The following DNAJA2 variants were observed in gnomAD, a reference collection of about 807,000 sequenced individuals.
DNAJA2 encodes DnaJ heat shock protein family (Hsp40) member A2.
DNAJA2 carries 6 observed loss-of-function variants against 49.3 expected under a neutral mutation model. The ratio of observed to expected loss-of-function variants is 0.12; its 90% CI spans 0.07 to 0.24. The LOEUF (loss-of-function observed/expected upper bound fraction) is 0.24. Among genes scored for constraint, DNAJA2 ranks in the 10% least tolerant of loss-of-function variants. DNAJA2 has a pLI of 1.00. For missense variants in DNAJA2, 347 were observed against 516.8 expected, an observed-to-expected ratio of 0.67 and a Z score of 3.19; for synonymous variants, 160 against 172.7, an observed-to-expected ratio of 0.93 and a Z score of 0.58.
chr16:46,956,437 TA>T lies in DNAJA2; in HGVS notation c.*591del, dbSNP rs35534956. The T allele has an allele frequency of 0.84, 104,470 of 124,754 alleles. 43,587 individuals carry two copies. Among genetic ancestry groups the T allele is most frequent in the East Asian group, 0.96 (4,263 of 4,444 alleles). The allele number at this position is 124,754 out of a possible 1,614,324, so 7.7% of individuals were successfully genotyped here. A position where few individuals can be genotyped will look rare whatever the true frequency, so the allele number is the denominator to read the frequency against. On this transcript the variant is annotated 3_prime_UTR_variant, in exon 9 of 9. Transcript: ENST00000317089. ...GTTTCAGAAACCTTTCACAAGATGG[TA>T]AAAAAAAAAAAAAAGAAAAAAGAAA...
chr16:46,964,584 A>G (rs1961942437), intron 6 of DNAJA2, 27 bp downstream of exon 6: 1 of 1,582,692 alleles, frequency 6.3e-7, no homozygotes, highest in Non-Finnish European at 8.6e-7. Context: ...AAAACAAAAT[A>G]CAAAAAACTA....
intron 6 of DNAJA2, among the ~76,000 whole-genome samples, chr16:46,963,336 G>A (rs1961924870): frequency 6.6e-6 from 1 of 151,924 alleles, no homozygotes; most frequent in Non-Finnish European, 1.5e-5. Flanking sequence ...TATACAATAT[G>A]GACATTAAAA....
At chr16:46,964,846 T>C (rs768690986) in intron 5 of DNAJA2, 39 bp from the exon 6 acceptor site, 2 of 1,451,052 alleles carry the variant, frequency 1.4e-6, no homozygotes, top group Admixed American at 1.9e-5. Context: ...GCAAGAGTAC[T>C]ATACTGTACT....
chr16:46,957,559 T>C (rs1040613279), intron 8 of DNAJA2, among the ~76,000 whole-genome samples: 2 of 151,330 alleles, frequency 1.3e-5, no homozygotes, highest in Non-Finnish European at 2.9e-5. Flanking sequence ...GCTGAGATTG[T>C]GCCACTGCAC....
chr16:46,972,061 A>C, intron 1 of DNAJA2, 106 bp from the exon 2 acceptor site: 1 of 803,950 alleles, frequency 1.2e-6, no homozygotes, highest in East Asian at 2.5e-5. Flanking sequence ...TAGAGTTATA[A>C]CCTTTCAAAA....
chr16:46,961,679 A>G (rs1397070772), intron 6 of DNAJA2, among the ~76,000 whole-genome samples: 3 of 152,074 alleles, frequency 2.0e-5, no homozygotes, highest in Non-Finnish European at 2.9e-5. Flanking sequence ...AATGATTATG[A>G]TTATCAGGAT....
At position 46,964,596 on chromosome 16, in the gene DNAJA2, A is replaced by G; in HGVS notation, c.774+15T>C. 6.3e-7 allele frequency: 1 copy of G among 1,584,810 alleles called. No individual in the cohort carries two copies. The highest frequency in any genetic ancestry group is 8.5e-7 in the Non-Finnish European group (1 of 1,170,532). ...AATAAAACAAAATACAAAAAACTAA[A>G]AAAAGGAAAATCACCTCATGTTCTT... On this transcript the variant is annotated intron_variant, in intron 6 of 8. Coordinates refer to ENST00000317089, the MANE Select transcript of DNAJA2 (RefSeq NM_005880.4).
chr16:46,973,316 G>A (rs1397477037), intron 1 of DNAJA2, among the ~76,000 whole-genome samples, 179 bp downstream of exon 1: 3 of 150,986 alleles, frequency 2.0e-5, no homozygotes, highest in Non-Finnish European at 4.4e-5. Flanking sequence ...GGTCAGCCGA[G>A]GCCGGAGTGC....
At chr16:46,964,939 G>A (rs2143651085) in intron 5 of DNAJA2, 132 bp from the exon 6 acceptor site, 3 of 742,222 alleles carry the variant, frequency 4.0e-6, no homozygotes, top group African/African-American at 1.8e-5. Context: ...GCATTCTGAG[G>A]CCAAGCACAG....
intron 5 of DNAJA2, 70 bp downstream of exon 5, chr16:46,967,443 G>C (rs528897036): frequency 1.9e-6 from 3 of 1,589,368 alleles, no homozygotes; most frequent in Non-Finnish European, 1.7e-6. Flanking sequence ...ATAAAAAATT[G>C]TAAACCTCTC....
At chr16:46,973,426 G>T in intron 1 of DNAJA2, 69 bp downstream of exon 1, 2 of 1,445,280 alleles carry the variant, frequency 1.4e-6, no homozygotes, top group Non-Finnish European at 9.2e-7. Context: ...GCGCGGCCTG[G>T]CTGAAGAAGA....
In DNAJA2 at chr16:46,956,484, A is replaced by C. The variant is rs1961814999; in HGVS notation, c.*545T>G. On this transcript the variant is annotated 3_prime_UTR_variant, in exon 9 of 9. Coordinates refer to ENST00000317089, the MANE Select transcript of DNAJA2 (RefSeq NM_005880.4). ...AGAAAAAAAAAACAAAACCAAAAAC[A>C]AAAAAACTTTACAACCACAGCTAAT... 1 of 152,426 alleles carries C rather than the reference A, an allele frequency of 6.6e-6. No homozygotes were observed. Among genetic ancestry groups the C allele is most frequent in the Non-Finnish European group, 1.5e-5 (1 of 67,990 alleles). The allele number at this position is 152,426 out of a possible 1,614,324, so 9.4% of individuals were successfully genotyped here. A position where few individuals can be genotyped will look rare whatever the true frequency, so the allele number is the denominator to read the frequency against.
intron 7 of DNAJA2, 50 bp from the exon 8 acceptor site, chr16:46,959,180 A>G (rs535338468): frequency 6.4e-7 from 1 of 1,574,000 alleles, no homozygotes; most frequent in Non-Finnish European, 8.6e-7. Context: ...AGAGGTGTTC[A>G]ATTTTTTTTA....
At chr16:46,960,966 C>T (rs1326627926) in intron 6 of DNAJA2, among the ~76,000 whole-genome samples, 1 of 152,060 alleles carries the variant, frequency 6.6e-6, no homozygotes, top group Non-Finnish European at 1.5e-5. Flanking sequence ...ATGATCCAGC[C>T]ACTGCACTCC....
intron 8 of DNAJA2, 38 bp downstream of exon 8, chr16:46,958,965 T>G (rs755274474): frequency 1.3e-6 from 2 of 1,557,980 alleles, no homozygotes; most frequent in South Asian, 2.4e-5. Context: ...AACTCCAAAC[T>G]TGGAAGTCAA....
intron 6 of DNAJA2, among the ~76,000 whole-genome samples, chr16:46,962,070 T>C (rs187932516): frequency 6.6e-6 from 1 of 152,302 alleles, no homozygotes; most frequent in African/African-American, 2.4e-5. Flanking sequence ...TTTAGACAAC[T>C]AGCTACATCT....
chr16:46,967,756 A>AC (rs1486264135), intron 4 of DNAJA2, 110 bp from the exon 5 acceptor site: 3 of 1,401,582 alleles, frequency 2.1e-6, no homozygotes, highest in Admixed American at 4.1e-5. Flanking sequence ...AATAACTTGT[A>AC]TTTAAATTGA....
At chr16:46,971,172 A>T (rs1284892690) in intron 3 of DNAJA2, among the ~76,000 whole-genome samples, 177 bp downstream of exon 3, 3 of 152,356 alleles carry the variant, frequency 2.0e-5, no homozygotes, top group African/African-American at 7.2e-5. Flanking sequence ...TAAGAGCTAC[A>T]GCGAAATAGA....
At chr16:46,959,203 A>G in intron 7 of DNAJA2, 72 bp downstream of exon 7, 1 of 1,581,598 alleles carries the variant, frequency 6.3e-7, no homozygotes, top group Non-Finnish European at 8.6e-7. Flanking sequence ...GTTATGCAGT[A>G]TAAAAAAATT....
Sources: gnomAD v4.1 joint callset for allele counts (sites outside exome capture counted in the v4.1 genomes callset) on GRCh38, gnomAD v4.1.1 for gene constraint, MANE v1.5 for transcripts, NCBI Gene and HGNC (gene_info 2026-07-23, HGNC 2026-07-21) for gene names.